SORCS2: variants seen among roughly 807,000 people sequenced by gnomAD.
The protein encoded by SORCS2 is VPS10 domain-containing receptor SorCS2.
Under a neutral mutation model 141.6 loss-of-function variants are expected in SORCS2, and 100 were observed. That is an observed-to-expected ratio of 0.71 (90% CI 0.60 to 0.83). SORCS2 has a LOEUF of 0.83. Among genes scored for constraint, SORCS2 ranks in the 40% least tolerant of loss-of-function variants. The pLI, the probability that SORCS2 is intolerant of heterozygous loss-of-function variation, is 0.00. For synonymous variants in SORCS2, 789 were observed against 676.9 expected (o/e 1.17, Z -2.57); for missense variants, 1,646 against 1,560.2 (o/e 1.05, Z -0.93).
intron 2 of SORCS2, among the ~76,000 whole-genome samples, chr4:7,423,657 C>T (rs529947065): frequency 9.9e-5 from 15 of 152,272 alleles, no homozygotes; most frequent in East Asian, 1.9e-4. Flanking sequence ...GTTTCGTGCC[C>T]AGGACCAGCC....
At chr4:7,242,899 G>C (rs1255250647) in intron 1 of SORCS2, among the ~76,000 whole-genome samples, 1 of 152,192 alleles carries the variant, frequency 6.6e-6, no homozygotes, top group Non-Finnish European at 1.5e-5. Context: ...CAATCGCTTG[G>C]CCCAGGGCTC....
intron 3 of SORCS2, among the ~76,000 whole-genome samples, chr4:7,620,570 A>G (rs908889116): frequency 6.6e-6 from 1 of 152,224 alleles, no homozygotes; most frequent in African/African-American, 2.4e-5. Flanking sequence ...GTGGGCAACC[A>G]ACAAAAACAG....
At chr4:7,231,391 G>T (rs1427140417) in intron 1 of SORCS2, among the ~76,000 whole-genome samples, 3 of 152,172 alleles carry the variant, frequency 2.0e-5, no homozygotes, top group African/African-American at 7.2e-5. Context: ...GAAATACCCA[G>T]AATAATGTTT....
At chr4:7,197,392 C>G (rs758552022) in intron 1 of SORCS2, among the ~76,000 whole-genome samples, 4 of 152,308 alleles carry the variant, frequency 2.6e-5, no homozygotes, top group Admixed American at 2.6e-4. Flanking sequence ...TCCTTTGCAT[C>G]TCCTGAGTTT....
intron 19 of SORCS2, among the ~76,000 whole-genome samples, chr4:7,724,522 ATAGGG>A (rs1197420398): frequency 1.1e-5 from 1 of 92,190 alleles, no homozygotes; most frequent in African/African-American, 4.6e-5. Flanking sequence ...GATGGTGGTG[ATAGGG>A]TGGTGGTGAT....
intron 1 of SORCS2, among the ~76,000 whole-genome samples, chr4:7,375,668 G>A (rs1034397571): frequency 3.9e-5 from 6 of 152,240 alleles, no homozygotes; most frequent in Non-Finnish European, 8.8e-5. Flanking sequence ...AATAGCAGCT[G>A]AAAGCAGTTA....
chr4:7,261,673 C>T (rs948916369), intron 1 of SORCS2, among the ~76,000 whole-genome samples: 40 of 152,324 alleles, frequency 2.6e-4, no homozygotes, highest in Middle Eastern at 3.4e-3. Flanking sequence ...TACAGCAGAT[C>T]GGGAATCAGG....
At chr4:7,547,785 C>G (rs1018703786) in intron 3 of SORCS2, among the ~76,000 whole-genome samples, 1 of 152,254 alleles carries the variant, frequency 6.6e-6, no homozygotes, top group Non-Finnish European at 1.5e-5. Flanking sequence ...TTCCTTACCC[C>G]ACAGATGCAC....
chr4:7,436,550 A>C (rs1727314238), intron 2 of SORCS2, among the ~76,000 whole-genome samples: 1 of 152,172 alleles, frequency 6.6e-6, no homozygotes, highest in South Asian at 2.1e-4. Flanking sequence ...TCATCCTGAC[A>C]TCCCTTGAGC....
At chr4:7,630,601 G>A (rs76687979) in intron 3 of SORCS2, among the ~76,000 whole-genome samples, 1,583 of 152,278 alleles carry the variant, frequency 0.01, 15 homozygotes, top group Non-Finnish European at 0.016. Flanking sequence ...CAGGCTAGCC[G>A]CCGGAGTGTG....
chr4:7,334,427 C>T (rs376247418), intron 1 of SORCS2, among the ~76,000 whole-genome samples: 1 of 152,140 alleles, frequency 6.6e-6, no homozygotes, highest in Non-Finnish European at 1.5e-5. Context: ...GCTGGTCCCC[C>T]CTCCCATTCC....
chr4:7,578,786 G>A (rs1230564465), intron 3 of SORCS2, among the ~76,000 whole-genome samples: 2 of 152,204 alleles, frequency 1.3e-5, no homozygotes, highest in Non-Finnish European at 2.9e-5. Context: ...AAAACACACG[G>A]AGGATTTGAT....
At chr4:7,444,756 G>C (rs558220997) in intron 2 of SORCS2, among the ~76,000 whole-genome samples, 1 of 152,364 alleles carries the variant, frequency 6.6e-6, no homozygotes, top group South Asian at 2.1e-4. Context: ...CGACTGTGGT[G>C]GTCTAGAGGA....
At chr4:7,592,428 G>A (rs548972901) in intron 3 of SORCS2, among the ~76,000 whole-genome samples, 4 of 152,276 alleles carry the variant, frequency 2.6e-5, no homozygotes, top group Non-Finnish European at 4.4e-5. Flanking sequence ...AGCATGACCA[G>A]TGCTCACCAG....
chr4:7,378,442 G>A (rs1219493639), intron 1 of SORCS2, among the ~76,000 whole-genome samples: 25 of 152,170 alleles, frequency 1.6e-4, no homozygotes, highest in Admixed American at 1.6e-3. Context: ...TGGTGGAAGA[G>A]GAAGCAAACA....
chr4:7,737,543 C>T (rs1429044698), intron 26 of SORCS2, among the ~76,000 whole-genome samples: 2 of 152,216 alleles, frequency 1.3e-5, no homozygotes, highest in Non-Finnish European at 2.9e-5. Context: ...CCCACAGCCG[C>T]TCCCTCAACA....
At position 7,192,658 on chromosome 4, in the gene SORCS2, G is replaced by A. The variant is rs1448039311; in HGVS notation, c.12G>A (p.Arg4=). The A allele has an allele frequency of 1.7e-5, 17 of 987,362 alleles. No individual in the cohort carries two copies. The highest frequency in any genetic ancestry group is 2.4e-6 in the Non-Finnish European group (2 of 832,546). 61.2% of individuals were successfully genotyped at this position (987,362 alleles called of 1,614,324 possible). MAH[R]GPSRASKGPG... ...CGCCCCTGGCGACCATGGCGCACCG[G>A]GGGCCCTCGCGCGCCTCGAAGGGCC... Residue 4 remains arginine, a synonymous_variant, in exon 1 of 27, where the codon CGG becomes CGA. Transcript: ENST00000507866. This position sits in a 1 kb window ranked among gnomAD's most constrained non-coding sequence, Gnocchi z 4.0.
chr4:7,394,909 A>G (rs1235643553), intron 1 of SORCS2, among the ~76,000 whole-genome samples: 2 of 152,178 alleles, frequency 1.3e-5, no homozygotes, highest in Non-Finnish European at 2.9e-5. Flanking sequence ...GGTCCCTTCC[A>G]GCTGCCACTC....
intron 7 of SORCS2, among the ~76,000 whole-genome samples, chr4:7,666,368 G>T (rs62290709): frequency 0.088 from 13,418 of 152,196 alleles, 1,468 homozygotes; most frequent in African/African-American, 0.26. Context: ...ACTCCATCCA[G>T]TTTCTATCCT....
Sources: gnomAD v4.1 joint callset for allele counts (sites outside exome capture counted in the v4.1 genomes callset) on GRCh38, gnomAD v4.1.1 for gene constraint, Gnocchi (gnomAD v3.1) non-coding constraint, MANE v1.5 for transcripts, NCBI Gene and HGNC (gene_info 2026-07-23, HGNC 2026-07-21) for gene names.